Variants in GPHN observed in about 807,000 individuals in gnomAD.
The protein encoded by GPHN is gephyrin.
Under a neutral mutation model 95.5 loss-of-function variants are expected in GPHN, and 17 were observed. The ratio of observed to expected loss-of-function variants is 0.18; its 90% CI spans 0.12 to 0.27. GPHN has a LOEUF of 0.27. Ranked by LOEUF, GPHN falls within the 10% of genes least tolerant of loss-of-function variation. The probability of loss-of-function intolerance (pLI) is 1.00; values close to 1 mark genes in which losing one functional copy is unlikely to be tolerated. For missense variants in GPHN, 660 were observed against 978.1 expected (o/e 0.67, Z 4.34); for synonymous variants, 320 against 322.5 (o/e 0.99, Z 0.08).
the GPHN span, chr14:67,590,017 A>G: frequency 6.7e-7 from 1 of 1,495,056 alleles, no homozygotes; most frequent in East Asian, 2.5e-5. Context: ...ACGGAAAACC[A>G]GCCCCTATGG....
chr14:67,302,666 C>T, the GPHN span: 1 of 972,262 alleles, frequency 1.0e-6, no homozygotes, highest in Non-Finnish European at 1.4e-6. Context: ...GTTAAGAGCA[C>T]TAGATGATTT....
the GPHN span, among the ~76,000 whole-genome samples, chr14:67,468,334 T>G: frequency 0.12 from 17,781 of 152,194 alleles, 1,087 homozygotes; most frequent in Middle Eastern, 0.14. Flanking sequence ...CAGTCACTCC[T>G]TTTTCCTCTG....
chr14:66,744,242 C>T (rs927425580), intron 2 of GPHN, among the ~76,000 whole-genome samples: 11 of 152,112 alleles, frequency 7.2e-5, no homozygotes, highest in South Asian at 4.1e-4. Flanking sequence ...ACTTTCTTTT[C>T]CATATTATTT....
the GPHN span, chr14:67,473,855 G>A: frequency 1.2e-6 from 2 of 1,612,754 alleles, no homozygotes; most frequent in Non-Finnish European, 1.7e-6. The surrounding 1 kb of genome is among the most constrained non-coding windows in gnomAD (Gnocchi z 6.5). Flanking sequence ...ACATCACCTC[G>A]CAGAAGTAGC....
the GPHN span, among the ~76,000 whole-genome samples, chr14:67,298,483 C>T: frequency 6.6e-6 from 1 of 150,548 alleles, no homozygotes; most frequent in Non-Finnish European, 1.5e-5. Context: ...CCATTGCACT[C>T]CAGCCTGGGC....
intron 10 of GPHN, among the ~76,000 whole-genome samples, chr14:67,032,811 G>C (rs2074251874): frequency 6.6e-6 from 1 of 152,072 alleles, no homozygotes; most frequent in Admixed American, 6.6e-5. Context: ...GTAAAGATTG[G>C]GAGACATGGC....
intron 1 of GPHN, among the ~76,000 whole-genome samples, chr14:66,592,663 G>A (rs1595138992): frequency 6.6e-6 from 1 of 152,182 alleles, no homozygotes; most frequent in Non-Finnish European, 1.5e-5. Flanking sequence ...AGATGCTGGA[G>A]TGGATGTGGA....
intron 9 of GPHN, among the ~76,000 whole-genome samples, chr14:66,977,080 C>T (rs759578695): frequency 2.6e-4 from 40 of 152,146 alleles, no homozygotes; most frequent in Non-Finnish European, 4.9e-4. Flanking sequence ...ACCTTTCAAG[C>T]AATAAATTCG....
chr14:66,747,801 T>G (rs2058211634), intron 2 of GPHN, among the ~76,000 whole-genome samples: 1 of 152,076 alleles, frequency 6.6e-6, no homozygotes, highest in African/African-American at 2.4e-5. Context: ...AATAAGCAAT[T>G]TGTTCAGCAG....
intron 8 of GPHN, among the ~76,000 whole-genome samples, chr14:66,925,610 A>T (rs1002271324): frequency 2.6e-5 from 4 of 152,170 alleles, no homozygotes; most frequent in South Asian, 4.1e-4. Flanking sequence ...ACAGGATCTC[A>T]TTCTTTTTTA....
At chr14:66,807,041 G>C (rs2060573178) in intron 3 of GPHN, among the ~76,000 whole-genome samples, 1 of 152,152 alleles carries the variant, frequency 6.6e-6, no homozygotes, top group Admixed American at 6.6e-5. Context: ...AAAAAAGAGA[G>C]ACGTTTATTG....
the GPHN span, chr14:67,575,799 T>C: frequency 1.3e-6 from 2 of 1,598,328 alleles, no homozygotes; most frequent in Non-Finnish European, 8.6e-7. Flanking sequence ...GGCTCTCCCA[T>C]TCATGGAAGA....
chr14:67,370,738 C>T, the GPHN span, among the ~76,000 whole-genome samples: 7 of 152,118 alleles, frequency 4.6e-5, no homozygotes, highest in Non-Finnish European at 7.4e-5. Context: ...CAAGAAAATT[C>T]GGTCCTGACC....
chr14:67,312,440 A>G, the GPHN span: 1 of 962,850 alleles, frequency 1.0e-6, no homozygotes. Context: ...TTAAAAAATA[A>G]TAAAAAATTT....
chr14:67,379,001 T>C, the GPHN span, among the ~76,000 whole-genome samples: 2 of 152,350 alleles, frequency 1.3e-5, no homozygotes, highest in African/African-American at 4.8e-5. Context: ...CATTTTTACA[T>C]ATAAGCCTAT....
chr14:67,319,725 G>A, the GPHN span, among the ~76,000 whole-genome samples: 4 of 152,150 alleles, frequency 2.6e-5, no homozygotes, highest in Non-Finnish European at 5.9e-5. Context: ...CATGGGCCAC[G>A]GGTTGGACGA....
At chr14:66,599,201 T>A (rs2062113532) in intron 1 of GPHN, among the ~76,000 whole-genome samples, 1 of 152,054 alleles carries the variant, frequency 6.6e-6, no homozygotes, top group South Asian at 2.1e-4. Flanking sequence ...TGTTTTTAAG[T>A]TTTTTCCATG....
chr14:66,640,725 C>T (rs2064347998), intron 1 of GPHN, among the ~76,000 whole-genome samples: 1 of 152,090 alleles, frequency 6.6e-6, no homozygotes, highest in Non-Finnish European at 1.5e-5. Context: ...TTGAGGCTTT[C>T]CTTCCAAGTA....
the GPHN span, chr14:67,200,057 C>T: frequency 3.2e-6 from 3 of 938,334 alleles, no homozygotes; most frequent in African/African-American, 3.3e-5. Context: ...GGGGGACAGC[C>T]ACCACCCCAA....
Sources: allele counts gnomAD v4.1 joint callset (sites outside exome capture counted in the v4.1 genomes callset), GRCh38; gene constraint gnomAD v4.1.1; non-coding constraint Gnocchi (gnomAD v3.1); transcripts MANE v1.5; gene names NCBI Gene and HGNC (gene_info 2026-07-23, HGNC 2026-07-21).